PABPC4L: variants seen among roughly 807,000 people sequenced by gnomAD.
The protein encoded by PABPC4L is poly(A) binding protein cytoplasmic 4 like.
For missense variants in PABPC4L, 452 were observed against 451.4 expected, an observed-to-expected ratio of 1.00 and a Z score of -0.01; for synonymous variants, 169 against 164.1, an observed-to-expected ratio of 1.03 and a Z score of -0.23.
At chr4:134,191,113 T>A in the PABPC4L span, among the ~76,000 whole-genome samples, 1 of 152,202 alleles carries the variant, frequency 6.6e-6, no homozygotes, top group African/African-American at 2.4e-5. Flanking sequence ...AAATGTATTG[T>A]GGCTATGTTT....
At chr4:133,949,478 G>T in the PABPC4L span, among the ~76,000 whole-genome samples, 1 of 152,188 alleles carries the variant, frequency 6.6e-6, no homozygotes, top group Non-Finnish European at 1.5e-5. Context: ...TCCACCCCCA[G>T]TGAAGGGGCT....
chr4:134,133,159 T>C, the PABPC4L span, among the ~76,000 whole-genome samples: 1 of 127,360 alleles, frequency 7.9e-6, no homozygotes, highest in Admixed American at 8.7e-5. Context: ...ATATAATATA[T>C]CATATTACAT....
In PABPC4L at chr4:134,201,091, C is replaced by G; in HGVS notation, c.-72G>C. 1 of 1,551,048 alleles carries G rather than the reference C, an allele frequency of 6.4e-7. No individual in the cohort carries two copies. The highest frequency in any genetic ancestry group is 1.2e-5 in the South Asian group (1 of 83,618). On this transcript the variant is annotated 5_prime_UTR_variant, in exon 2 of 2. Transcript: ENST00000421491. ...CAATCCCTGTGGGGGGATACTAGGT[C>G]ACAGCTTTGGCCCGGTTCAAGTGTG...
downstream of PABPC4L, among the ~76,000 whole-genome samples, chr4:134,194,625 G>T (rs563914126): frequency 2.0e-5 from 3 of 151,598 alleles, 1 homozygote; most frequent in Non-Finnish European, 4.4e-5. Context: ...TTTTTTCTAG[G>T]AGGTAATTAA....
the PABPC4L span, among the ~76,000 whole-genome samples, chr4:134,092,934 A>G: frequency 7.4e-4 from 112 of 152,164 alleles, no homozygotes; most frequent in African/African-American, 2.6e-3. Context: ...CGGAAATTTG[A>G]CTATATAAGA....
chr4:134,192,302 T>C (rs1481393302), downstream of PABPC4L, among the ~76,000 whole-genome samples: 2 of 152,030 alleles, frequency 1.3e-5, no homozygotes, highest in African/African-American at 4.8e-5. Flanking sequence ...ATACTATATA[T>C]ATGTACATAT....
At chr4:134,076,029 G>C in the PABPC4L span, among the ~76,000 whole-genome samples, 1 of 151,414 alleles carries the variant, frequency 6.6e-6, no homozygotes, top group Non-Finnish European at 1.5e-5. Context: ...AAAAAAAAGA[G>C]AAGTGAGGAA....
chr4:134,021,647 T>C, the PABPC4L span, among the ~76,000 whole-genome samples: 17 of 152,294 alleles, frequency 1.1e-4, no homozygotes, highest in Non-Finnish European at 2.2e-4. Flanking sequence ...AATTAGCTAT[T>C]ATAGTATCAG....
chr4:133,954,436 A>G, the PABPC4L span, among the ~76,000 whole-genome samples: 5 of 152,296 alleles, frequency 3.3e-5, no homozygotes, highest in South Asian at 8.3e-4. Context: ...TGAGCCAAAC[A>G]TAGGCCAAAA....
the PABPC4L span, among the ~76,000 whole-genome samples, chr4:134,184,570 G>C: frequency 1.3e-5 from 2 of 151,752 alleles, no homozygotes; most frequent in Admixed American, 1.3e-4. Context: ...TTCATGGCTT[G>C]ACAGCTCATT....
At chr4:133,981,790 A>G in the PABPC4L span, among the ~76,000 whole-genome samples, 4 of 152,054 alleles carry the variant, frequency 2.6e-5, no homozygotes, top group Non-Finnish European at 4.4e-5. Flanking sequence ...CTTTTCATCA[A>G]TGTTCTGGAA....
chr4:133,975,071 A>G, the PABPC4L span, among the ~76,000 whole-genome samples: 2 of 152,154 alleles, frequency 1.3e-5, no homozygotes, highest in African/African-American at 4.8e-5. Context: ...ATTATTCACA[A>G]TTGCCAGATA....
At chr4:133,992,037 TG>T in the PABPC4L span, among the ~76,000 whole-genome samples, 1 of 152,074 alleles carries the variant, frequency 6.6e-6, no homozygotes, top group South Asian at 2.1e-4. Context: ...TTAAGGGAGG[TG>T]CTAAGATGTC....
At chr4:134,129,684 T>G in the PABPC4L span, among the ~76,000 whole-genome samples, 1 of 152,154 alleles carries the variant, frequency 6.6e-6, no homozygotes. Flanking sequence ...ATAATTAAAC[T>G]GAATGATAAT....
At chr4:134,157,193 A>T in the PABPC4L span, among the ~76,000 whole-genome samples, 1 of 150,670 alleles carries the variant, frequency 6.6e-6, no homozygotes, top group Non-Finnish European at 1.5e-5. Flanking sequence ...TTTTAATACC[A>T]TGTGGAAGAA....
the PABPC4L span, among the ~76,000 whole-genome samples, chr4:134,073,863 A>C: frequency 3.3e-5 from 5 of 152,116 alleles, no homozygotes; most frequent in African/African-American, 1.2e-4. Context: ...GCTGAAGCTG[A>C]GGTATTAATA....
the PABPC4L span, among the ~76,000 whole-genome samples, chr4:134,026,677 T>C: frequency 2.8e-4 from 42 of 152,134 alleles, no homozygotes; most frequent in Middle Eastern, 3.2e-3. Flanking sequence ...GAATGTATCT[T>C]TATTTGGAGA....
At chr4:134,058,894 T>C in the PABPC4L span, among the ~76,000 whole-genome samples, 416 of 152,044 alleles carry the variant, frequency 2.7e-3, 2 homozygotes, top group Admixed American at 4.8e-3. Context: ...GAAGAGTAAA[T>C]TAGTTTAGAG....
rs1182199120 is a variant in PABPC4L, at chr4:134,197,954, T to C, written c.*1953A>G. On this transcript the variant is annotated 3_prime_UTR_variant, in exon 2 of 2. Transcript: ENST00000421491. ...CCATTAATTCTACTTCTAAACATTTTCTTAAGAAAATAGATATATTTGCAT... is the reference window on the plus strand; with the variant it reads ...CCATTAATTCTACTTCTAAACATTTCCTTAAGAAAATAGATATATTTGCAT... 6.6e-6 allele frequency: 1 copy of C among 151,772 alleles called. No individual in the cohort carries two copies. Among genetic ancestry groups the C allele is most frequent in the Non-Finnish European group, 1.5e-5 (1 of 67,724 alleles). The allele number at this position is 151,772 out of a possible 1,614,324, so 9.4% of individuals were successfully genotyped here.
Sources: allele counts gnomAD v4.1 joint callset (sites outside exome capture counted in the v4.1 genomes callset), GRCh38; gene constraint gnomAD v4.1.1; transcripts MANE v1.5; gene names NCBI Gene and HGNC (gene_info 2026-07-23, HGNC 2026-07-21).